Variants in MEI1 observed in about 807,000 individuals in gnomAD.
The protein encoded by MEI1 is meiosis inhibitor protein 1.
A neutral mutation model predicts 146.2 loss-of-function variants in MEI1; 103 were observed. The ratio of observed to expected loss-of-function variants is 0.70; its 90% CI spans 0.60 to 0.83. The LOEUF (loss-of-function observed/expected upper bound fraction) is 0.83. Among genes scored for constraint, MEI1 ranks in the 40% least tolerant of loss-of-function variants. The pLI is 0.00. For synonymous variants in MEI1, 652 were observed against 628.2 expected (o/e 1.04, Z -0.57); for missense variants, 1,529 against 1,533.0 (o/e 1.00, Z 0.04).
intron 11 of MEI1, among the ~76,000 whole-genome samples, chr22:41,738,050 C>T (rs1283443321): frequency 1.3e-5 from 2 of 152,188 alleles, no homozygotes; most frequent in Admixed American, 6.5e-5. Flanking sequence ...CACGGTGGCT[C>T]ACGCCTGTAA....
chr22:41,699,827 C>A, intron 1 of MEI1, 115 bp downstream of exon 1: 1 of 1,293,984 alleles, frequency 7.7e-7, no homozygotes, highest in Non-Finnish European at 1.0e-6. Flanking sequence ...CGGGCCCCCG[C>A]GCTGTGTTCA....
chr22:41,794,320 A>G (rs745447044), intron 27 of MEI1, 51 bp from the exon 28 acceptor site: 14 of 1,496,222 alleles, frequency 9.4e-6, no homozygotes, highest in Middle Eastern at 1.7e-4. Context: ...CTCTTGAGCA[A>G]TGTCCCAAGG....
intron 2 of MEI1, 107 bp downstream of exon 2, chr22:41,703,561 G>GT: frequency 9.8e-7 from 1 of 1,024,076 alleles, no homozygotes; most frequent in South Asian, 2.2e-5. Flanking sequence ...TTTTTGTATT[G>GT]TAATACTTTA....
intron 19 of MEI1, 67 bp from the exon 20 acceptor site, chr22:41,770,619 G>T: frequency 6.9e-7 from 1 of 1,450,054 alleles, no homozygotes. Context: ...GTCATCTCTT[G>T]GCCATGTTGG....
rs1281457507 is a variant in MEI1, at chr22:41,703,439, A to T, written c.283A>T (p.Ile95Leu). Residue 95 changes from isoleucine to leucine, a missense_variant, in exon 2 of 31, where the codon ATA (isoleucine) becomes TTA (leucine). Transcript: ENST00000401548. ...SQDQRVCIHF[I>L]SVLFGLLCSM... is the part of the protein sequence containing the mutation. Reference sequence around the variant, plus strand: ...GGATCAGAGAGTCTGCATCCACTTCATAAGTGTGCTTTTTGGTAAGATTAA... The same window carrying T: ...GGATCAGAGAGTCTGCATCCACTTCTTAAGTGTGCTTTTTGGTAAGATTAA... The T allele has an allele frequency of 6.3e-7, 1 of 1,583,944 alleles. No individual in the cohort carries two copies. Among genetic ancestry groups the T allele is most frequent in the African/African-American group, 1.4e-5 (1 of 74,052 alleles).
chr22:41,730,147 T>A (rs1201528820), intron 8 of MEI1, among the ~76,000 whole-genome samples: 1 of 152,146 alleles, frequency 6.6e-6, no homozygotes, highest in Non-Finnish European at 1.5e-5. Context: ...ATGAAATAAT[T>A]GGCAGGCCTA....
Position 41,743,098 on chromosome 22 carries a change from T to G in MEI1, c.1350T>G (p.Thr450=), listed in dbSNP as rs2073015235. 3 of 1,612,352 alleles carry G rather than the reference T, an allele frequency of 1.9e-6. No individual in the cohort carries two copies. Among genetic ancestry groups the G allele is most frequent in the Non-Finnish European group, 2.5e-6 (3 of 1,179,116 alleles). Residue 450 remains threonine (T), a synonymous_variant, in exon 12 of 31, where the codon ACT becomes ACG. Transcript: ENST00000401548. ...GATGCAGGAAGGACCATCAGAGCAC[T>G]CCACCTGTGCAGTATGGGGAACTGC... ...SAFLRKDHQS[T]PPVQYGELQA... is the part of the protein sequence containing the mutation.
chr22:41,763,322 G>A lies in MEI1; in HGVS notation c.2268+1G>A. 6.2e-7 allele frequency: 1 copy of A among 1,613,624 alleles called. No individual in the cohort carries two copies. ...GGACAAAGACAATACACTACGTGAG[G>A]TATGGACCACAATGCCTGGGCTCCT... On this transcript the variant is annotated splice_donor_variant, in intron 19 of 30. Transcript: ENST00000401548. LOFTEE classifies it high-confidence loss of function.
Position 41,784,220 on chromosome 22 carries a change from G to A in MEI1, c.3088-119G>A, listed in dbSNP as rs893893756. The stretch of plus-strand genomic sequence containing the variant: ...TGGAGGACTCTGTGTGGCCTCCTCC[G>A]TCCCCTTTTGATGCAGTGGATATGT... On this transcript the variant is annotated intron_variant, in intron 24 of 30. Coordinates refer to ENST00000401548, the MANE Select transcript of MEI1 (RefSeq NM_152513.4). The A allele has an allele frequency of 2.5e-5, 21 of 853,688 alleles. 2 individuals carry two copies. The highest frequency in any genetic ancestry group is 1.6e-4 in the South Asian group (10 of 63,694). 52.9% of individuals were successfully genotyped at this position (853,688 alleles called of 1,614,324 possible). A position where few individuals can be genotyped will look rare whatever the true frequency, so the allele number is the denominator to read the frequency against.
At position 41,707,148 on chromosome 22, in the gene MEI1, AG is replaced by A. The variant is rs1011911368; in HGVS notation, c.349+1595del. On this transcript the variant is annotated intron_variant, in intron 3 of 30. Coordinates refer to ENST00000401548, the MANE Select transcript of MEI1 (RefSeq NM_152513.4). ...AACCCGGGAGGTGGAGGTTGCAGTG[AG>A]CTGAGATCGCGCCACTGCACTTCAA... is the stretch of plus-strand genomic sequence containing the variant. 4.6e-5 allele frequency among the ~76,000 whole-genome samples: 7 copies of A among 152,200 alleles called. No homozygotes were observed. The East Asian group carries it at 9.7e-4, about 21-fold the overall frequency.
chr22:41,699,504 A>C lies in MEI1; in HGVS notation c.-35A>C. On this transcript the variant is annotated 5_prime_UTR_variant, in exon 1 of 31. Coordinates refer to ENST00000401548, the MANE Select transcript of MEI1 (RefSeq NM_152513.4). ...TGCGCATGCGTGCAGTCTGCGCGGGAAAGAGTGCCGCCTCAGCTGAGGGCA... is the reference window on the plus strand; with the variant it reads ...TGCGCATGCGTGCAGTCTGCGCGGGCAAGAGTGCCGCCTCAGCTGAGGGCA... 1.3e-6 allele frequency: 2 copies of C among 1,587,098 alleles called. No individual in the cohort carries two copies.
intron 11 of MEI1, among the ~76,000 whole-genome samples, chr22:41,736,121 G>A (rs551935777): frequency 1.4e-4 from 22 of 152,152 alleles, no homozygotes; most frequent in Non-Finnish European, 2.8e-4. Flanking sequence ...TGGTGGCTCC[G>A]GGCATTCCAT....
chr22:41,799,108 G>A (rs1037705875), intron 30 of MEI1, 146 bp from the exon 31 acceptor site: 6 of 678,486 alleles, frequency 8.8e-6, no homozygotes, highest in Non-Finnish European at 1.5e-5. Context: ...AGGTGTTCAG[G>A]ACCCAATTTC....
chr22:41,734,996 C>G (rs964327279), intron 11 of MEI1, among the ~76,000 whole-genome samples: 1 of 151,578 alleles, frequency 6.6e-6, no homozygotes, highest in Admixed American at 6.6e-5. Context: ...GAGTCTCCCT[C>G]TTTCACCCAG....
At chr22:41,721,784 G>A (rs1482886455) in intron 6 of MEI1, among the ~76,000 whole-genome samples, 1 of 127,002 alleles carries the variant, frequency 7.9e-6, no homozygotes, top group African/African-American at 3.1e-5. Flanking sequence ...GCAGTCGCAC[G>A]ATCTCAGCTC....
chr22:41,780,576 C>CTTTTTTT (rs150215660), intron 22 of MEI1, among the ~76,000 whole-genome samples: 1 of 121,534 alleles, frequency 8.2e-6, no homozygotes, highest in African/African-American at 2.9e-5. Flanking sequence ...GAATTTTTTT[C>CTTTTTTT]TTTTCTTTTT....
chr22:41,722,467 A>ATTTTT (rs749033326), intron 6 of MEI1, among the ~76,000 whole-genome samples: 3 of 127,646 alleles, frequency 2.4e-5, no homozygotes, highest in African/African-American at 3.2e-5. Context: ...CAGCATTTTA[A>ATTTTT]TTTTTTTTTT....
Position 41,709,267 on chromosome 22 carries a change from G to A in MEI1, c.349+3713G>A, listed in dbSNP as rs1055949374. On this transcript the variant is annotated intron_variant, in intron 3 of 30. Transcript: ENST00000401548. ...CAGCTTTCTGTGCCTGGTCTGTCTTGGCATCTCCATTTTCTGCAGGGTTAT... is the reference window on the plus strand; with the variant it reads ...CAGCTTTCTGTGCCTGGTCTGTCTTAGCATCTCCATTTTCTGCAGGGTTAT... 38 of 834,824 alleles carry A rather than the reference G, an allele frequency of 4.6e-5. No individual in the cohort carries two copies. The Admixed American group carries it at 6.2e-4, about 14-fold the overall frequency. 51.7% of individuals were successfully genotyped at this position (834,824 alleles called of 1,614,324 possible).
chr22:41,749,055 C>T (rs541508305), intron 15 of MEI1, among the ~76,000 whole-genome samples: 15 of 152,260 alleles, frequency 9.9e-5, no homozygotes, highest in East Asian at 5.8e-4. Flanking sequence ...CTGCCCGCCT[C>T]GGCCTCCCAA....
Sources: allele counts gnomAD v4.1 joint callset (sites outside exome capture counted in the v4.1 genomes callset), GRCh38; gene constraint gnomAD v4.1.1; transcripts MANE v1.5; gene names NCBI Gene and HGNC (gene_info 2026-07-23, HGNC 2026-07-21).